Variants in TADA2A observed in about 807,000 individuals in gnomAD.
TADA2A encodes the protein transcriptional adaptor 2A.
A neutral mutation model predicts 67.4 loss-of-function variants in TADA2A; 38 were observed. The ratio of observed to expected loss-of-function variants is 0.56; its 90% confidence interval spans 0.44 to 0.74. TADA2A has a LOEUF of 0.74. Ranked by LOEUF, TADA2A falls within the 30% of genes least tolerant of loss-of-function variation. The pLI, the probability that TADA2A is intolerant of heterozygous loss-of-function variation, is 0.00. For missense variants in TADA2A, 454 were observed against 547.0 expected (o/e 0.83, Z 1.70); for synonymous variants, 192 against 181.6 (o/e 1.06, Z -0.46).
chr17:37,468,060 T>C (rs853211), intron 12 of TADA2A, among the ~76,000 whole-genome samples: 109,505 of 151,254 alleles, frequency 0.72, 40,241 homozygotes, highest in East Asian at 0.97. Flanking sequence ...CCAGCCTGGG[T>C]GGCAGAGGGA....
In TADA2A at chr17:37,421,947, C is replaced by T. The variant is rs563804491; in HGVS notation, c.26-1562C>T. Among the ~76,000 whole-genome samples, 42 of 145,356 alleles carry T rather than the reference C, an allele frequency of 2.9e-4. 6 individuals carry two copies. The highest frequency in any genetic ancestry group is 9.2e-4 in the African/African-American group (37 of 40,244). The stretch of plus-strand genomic sequence containing the variant: ...AGACTGGAGTGCAGTGGCGTGATCT[C>T]GGATCACTGCAACCTCCGCCTCCCG... On this transcript the variant is annotated intron_variant, in intron 2 of 15. Coordinates refer to ENST00000615182, the MANE Select transcript of TADA2A (RefSeq NM_001166105.3).
intron 2 of TADA2A, among the ~76,000 whole-genome samples, chr17:37,422,050 T>TAA: frequency 7.0e-6 from 1 of 143,288 alleles, no homozygotes; most frequent in Non-Finnish European, 1.5e-5. Context: ...GGCTAATTTT[T>TAA]TTGTTTTTTT....
At chr17:37,423,720 A>C in intron 3 of TADA2A, 105 bp downstream of exon 3, 1 of 794,264 alleles carries the variant, frequency 1.3e-6, no homozygotes. Context: ...ATGTCTTATT[A>C]AATCTATTCC....
At chr17:37,475,577 A>ATTC (rs1002998976) in intron 15 of TADA2A, among the ~76,000 whole-genome samples, 1 of 151,672 alleles carries the variant, frequency 6.6e-6, no homozygotes, top group African/African-American at 2.4e-5. Flanking sequence ...GGTTCAAACG[A>ATTC]TTCTCCTGCC....
chr17:37,427,094 A>C, intron 4 of TADA2A, 85 bp downstream of exon 4: 1 of 1,229,640 alleles, frequency 8.1e-7, no homozygotes, highest in Non-Finnish European at 1.1e-6. Context: ...TTTTTCTTTA[A>C]GCTCTCTTGG....
chr17:37,447,284 C>G (rs992676181), intron 8 of TADA2A, among the ~76,000 whole-genome samples: 3 of 152,186 alleles, frequency 2.0e-5, no homozygotes, highest in Non-Finnish European at 2.9e-5. Context: ...GCCTCAGCCT[C>G]TGGCATAGCT....
intron 8 of TADA2A, among the ~76,000 whole-genome samples, chr17:37,458,189 G>C (rs2053447600): frequency 6.6e-6 from 1 of 152,122 alleles, no homozygotes; most frequent in Non-Finnish European, 1.5e-5. Flanking sequence ...TTGGTTTTCT[G>C]TTCCTGTGTT....
chr17:37,431,486 T>C (rs1333908905), intron 4 of TADA2A, among the ~76,000 whole-genome samples: 1 of 152,162 alleles, frequency 6.6e-6, no homozygotes, highest in Admixed American at 6.6e-5. Context: ...ATAATGGTAA[T>C]AAATTTCCGT....
At chr17:37,444,812 T>G (rs761828855) in intron 8 of TADA2A, 44 bp downstream of exon 8, 1 of 1,538,100 alleles carries the variant, frequency 6.5e-7, no homozygotes, top group Non-Finnish European at 9.0e-7. Flanking sequence ...GCCAACTGTG[T>G]GATGACACTG....
chr17:37,459,776 T>A (rs1183573223), intron 9 of TADA2A, among the ~76,000 whole-genome samples: 2 of 151,568 alleles, frequency 1.3e-5, no homozygotes, highest in Non-Finnish European at 2.9e-5. Context: ...AACCTTTTTC[T>A]TTTTTTAGAC....
At chr17:37,415,440 A>G (rs1256199393) in intron 2 of TADA2A, among the ~76,000 whole-genome samples, 3 of 152,102 alleles carry the variant, frequency 2.0e-5, no homozygotes, top group Non-Finnish European at 2.9e-5. Flanking sequence ...TACATCTAAT[A>G]TTATATATAA....
intron 9 of TADA2A, 39 bp from the exon 10 acceptor site, chr17:37,462,039 T>C: frequency 6.9e-7 from 1 of 1,459,828 alleles, no homozygotes; most frequent in Non-Finnish European, 9.5e-7. Context: ...AATGTGAAAA[T>C]AATTCTAATG....
chr17:37,419,249 C>T (rs1459245430), intron 2 of TADA2A, among the ~76,000 whole-genome samples: 5 of 145,072 alleles, frequency 3.4e-5, no homozygotes, highest in Non-Finnish European at 7.7e-5. Context: ...AGGCTTACTG[C>T]AGACTCGATC....
chr17:37,441,697 C>T (rs1257698420), intron 6 of TADA2A, among the ~76,000 whole-genome samples: 16 of 145,702 alleles, frequency 1.1e-4, no homozygotes, highest in Admixed American at 2.9e-4. Context: ...GACAGAGTCT[C>T]GCTGTGTCTC....
intron 8 of TADA2A, among the ~76,000 whole-genome samples, chr17:37,458,078 A>C (rs1160642325): frequency 6.6e-6 from 1 of 151,504 alleles, no homozygotes; most frequent in African/African-American, 2.4e-5. Flanking sequence ...CCCTCCTCCC[A>C]CCCTCCACCC....
intron 10 of TADA2A, among the ~76,000 whole-genome samples, chr17:37,464,763 G>C (rs1373211427): frequency 6.8e-6 from 1 of 147,732 alleles, no homozygotes; most frequent in Non-Finnish European, 1.5e-5. Context: ...GCTTGAACCT[G>C]GGGAGGCAGA....
chr17:37,472,081 T>C (rs1433112490), intron 14 of TADA2A, among the ~76,000 whole-genome samples: 1 of 151,982 alleles, frequency 6.6e-6, no homozygotes, highest in African/African-American at 2.4e-5. Context: ...CTTTTTTTTT[T>C]TTGAGATGGA....
chr17:37,478,173 G>A lies in TADA2A; in HGVS notation c.*1191G>A, dbSNP rs2053928429. The A allele has an allele frequency of 6.6e-6, 1 of 151,764 alleles. No homozygotes were observed. The highest frequency in any genetic ancestry group is 1.5e-5 in the Non-Finnish European group (1 of 67,956). 9.4% of individuals were successfully genotyped at this position (151,764 alleles called of 1,614,324 possible). On this transcript the variant is annotated 3_prime_UTR_variant, in exon 16 of 16. Coordinates refer to ENST00000615182, the MANE Select transcript of TADA2A (RefSeq NM_001166105.3). ...TGTCTGGCTTTGTACTTTGCAGTCTGCCTGTCTAATCTGCAGTAGTCTTTT... is the reference window on the plus strand; with the variant it reads ...TGTCTGGCTTTGTACTTTGCAGTCTACCTGTCTAATCTGCAGTAGTCTTTT...
chr17:37,442,603 T>C lies in TADA2A; in HGVS notation c.482T>C (p.Leu161Pro). The C allele has an allele frequency of 6.2e-7, 1 of 1,614,126 alleles. No homozygotes were observed. The highest frequency in any genetic ancestry group is 8.5e-7 in the Non-Finnish European group (1 of 1,180,022). ...CCCCGACCTACCTTTGACTCCTTGC[T>C]TTCTCGGGACATGGCCGGGTACATG... ...DPPRPTFDSL[L>P]SRDMAGYMPA... Residue 161 changes from leucine to proline, a missense_variant, in exon 7 of 16, where the codon CTT (leucine) becomes CCT (proline). Leu to Pro is a moderately conservative substitution (Grantham distance 98). Around this residue, in one of 2 missense-constraint regions of TADA2A, gnomAD observed 403 missense variants for 455.5 expected, o/e 0.88. Coordinates refer to ENST00000615182, the MANE Select transcript of TADA2A (RefSeq NM_001166105.3).
Sources: gnomAD v4.1 joint callset for allele counts (sites outside exome capture counted in the v4.1 genomes callset) on GRCh38, gnomAD v4.1.1 for gene constraint, gnomAD v4.1.1 regional missense constraint, MANE v1.5 for transcripts, NCBI Gene and HGNC (gene_info 2026-07-23, HGNC 2026-07-21) for gene names.